The following MTFR1 variants were observed in gnomAD, a reference collection of about 807,000 sequenced individuals.
MTFR1 encodes mitochondrial fission regulator 1.
MTFR1 carries 28 observed loss-of-function variants against 38.8 expected under a neutral mutation model. The observed-to-expected ratio is 0.72, with a 90% CI of 0.53 to 0.99. MTFR1 has a LOEUF of 0.99. Ranked by LOEUF, MTFR1 falls within the 50% of genes least tolerant of loss-of-function variation. The pLI, the probability that MTFR1 is intolerant of heterozygous loss-of-function variation, is 0.00. For synonymous variants in MTFR1, 145 were observed against 137.0 expected, an observed-to-expected ratio of 1.06 and a Z score of -0.41; for missense variants, 358 against 395.5, an observed-to-expected ratio of 0.91 and a Z score of 0.81.
intron 3 of MTFR1, among the ~76,000 whole-genome samples, chr8:65,732,665 C>T (rs1806949061): frequency 6.6e-6 from 1 of 152,178 alleles, no homozygotes; most frequent in African/African-American, 2.4e-5. Flanking sequence ...AGGTACACAC[C>T]ACCATGCCCA....
At chr8:65,646,485 TAGTG>T (rs1032106349) in intron 1 of MTFR1, among the ~76,000 whole-genome samples, 2 of 151,452 alleles carry the variant, frequency 1.3e-5, no homozygotes, top group African/African-American at 4.9e-5. Flanking sequence ...ATACAAACAA[TAGTG>T]AGAGAGGTAT....
At chr8:65,663,416 C>T (rs1804262845) in intron 1 of MTFR1, among the ~76,000 whole-genome samples, 1 of 151,696 alleles carries the variant, frequency 6.6e-6, no homozygotes, top group Non-Finnish European at 1.5e-5. Flanking sequence ...GGTCCTCTGC[C>T]TAGGAAAACC....
At chr8:65,701,184 A>G (rs768576930) in intron 4 of MTFR1, among the ~76,000 whole-genome samples, 59 of 152,234 alleles carry the variant, frequency 3.9e-4, no homozygotes, top group Non-Finnish European at 7.2e-4. Context: ...GAAGCCCTCA[A>G]AATCATCTTT....
chr8:65,700,423 T>C (rs986981978), intron 4 of MTFR1, among the ~76,000 whole-genome samples: 25 of 151,526 alleles, frequency 1.6e-4, no homozygotes, highest in African/African-American at 5.8e-4. Flanking sequence ...AGTATTCTAC[T>C]TTGAGAAGAG....
intron 1 of MTFR1, among the ~76,000 whole-genome samples, chr8:65,650,769 G>A (rs559037443): frequency 2.6e-4 from 40 of 152,138 alleles, no homozygotes; most frequent in Non-Finnish European, 5.1e-4. Context: ...AACATGGCAC[G>A]GCAGATATTG....
intron 3 of MTFR1, among the ~76,000 whole-genome samples, chr8:65,752,455 T>G (rs942893554): frequency 2.6e-5 from 4 of 152,204 alleles, no homozygotes; most frequent in African/African-American, 9.6e-5. Context: ...TCCTTTTCCT[T>G]TCTTGAATTT....
In MTFR1 at chr8:65,682,424, G is replaced by T; in HGVS notation, c.138G>T (p.Leu46=). ...IVRKIGTNLS[L]IQCPRVQFQI... is the part of the protein sequence containing the mutation. ...GGAAAATTGGTACTAATTTGTCTCT[G>T]ATTCAGTGTCCAAGAGTTCAGTTTC... The change falls in exon 3 of 8, where the codon CTG becomes CTT. Residue 46 remains leucine (L), a synonymous_variant. Coordinates refer to ENST00000262146, the MANE Select transcript of MTFR1 (RefSeq NM_014637.4). 1 of 1,560,488 alleles carries T rather than the reference G, an allele frequency of 6.4e-7. No individual in the cohort carries two copies. Among genetic ancestry groups the T allele is most frequent in the Non-Finnish European group, 8.7e-7 (1 of 1,151,370 alleles).
chr8:65,691,736 A>C (rs917072917), intron 3 of MTFR1, among the ~76,000 whole-genome samples: 1 of 151,460 alleles, frequency 6.6e-6, no homozygotes, highest in Non-Finnish European at 1.5e-5. Flanking sequence ...TGCAACCTCT[A>C]CCTCCCATGT....
chr8:65,734,933 A>C (rs371528965), intron 3 of MTFR1: 71 of 1,224,488 alleles, frequency 5.8e-5, no homozygotes, highest in Non-Finnish European at 8.4e-5. Flanking sequence ...ATTGTATATG[A>C]GCAACATATA....
chr8:65,713,485 A>ACACACAC (rs1169373621), downstream of MTFR1, among the ~76,000 whole-genome samples: 267 of 119,488 alleles, frequency 2.2e-3, no homozygotes, highest in East Asian at 8.6e-3. Flanking sequence ...CACACACACA[A>ACACACAC]ACAAAACAAA....
chr8:65,748,687 T>A (rs2128907302), intron 3 of MTFR1, among the ~76,000 whole-genome samples: 1 of 152,270 alleles, frequency 6.6e-6, no homozygotes, highest in Non-Finnish European at 1.5e-5. Context: ...TGGAAGGTAA[T>A]CAAACATATT....
In MTFR1 at chr8:65,709,207, G is replaced by A. The variant is rs1183596470; in HGVS notation, c.*163G>A. On this transcript the variant is annotated 3_prime_UTR_variant, in exon 8 of 8. Transcript: ENST00000262146. ...AGCAATAATGAAAGCACTAAGTTTG[G>A]TTTTGCTTTTGTGAGATGGTCAGCT... 1.7e-5 allele frequency: 11 copies of A among 654,376 alleles called. No homozygotes were observed. The highest frequency in any genetic ancestry group is 1.1e-4 in the Admixed American group (4 of 35,156). 40.5% of individuals were successfully genotyped at this position (654,376 alleles called of 1,614,324 possible). A position where few individuals can be genotyped will look rare whatever the true frequency, so the allele number is the denominator to read the frequency against.
intron 3 of MTFR1, among the ~76,000 whole-genome samples, chr8:65,752,194 C>T (rs1808001519): frequency 6.6e-6 from 1 of 152,140 alleles, no homozygotes; most frequent in Non-Finnish European, 1.5e-5. Context: ...TGTTAGTTAC[C>T]AGAGCATATT....
At chr8:65,654,106 G>A (rs1809194800) in intron 1 of MTFR1, among the ~76,000 whole-genome samples, 1 of 149,708 alleles carries the variant, frequency 6.7e-6, no homozygotes, top group Non-Finnish European at 1.5e-5. Context: ...AGTAGTACAT[G>A]TATCCTATTG....
chr8:65,701,314 C>T (rs1009128180), intron 4 of MTFR1, among the ~76,000 whole-genome samples: 11 of 152,186 alleles, frequency 7.2e-5, no homozygotes, highest in African/African-American at 2.7e-4. Flanking sequence ...GATAAATATA[C>T]AGTATAACAT....
intron 3 of MTFR1, among the ~76,000 whole-genome samples, chr8:65,733,868 C>T (rs1462793141): frequency 6.6e-6 from 1 of 152,146 alleles, no homozygotes; most frequent in Non-Finnish European, 1.5e-5. Flanking sequence ...TGTTTCCCGC[C>T]TAACACCTTA....
chr8:65,762,610 A>C (rs942792321), intron 3 of MTFR1, among the ~76,000 whole-genome samples: 1 of 152,220 alleles, frequency 6.6e-6, no homozygotes, highest in Non-Finnish European at 1.5e-5. Context: ...AAATGAGATA[A>C]TATATGCAGT....
At chr8:65,665,136 T>C (rs375209249) in intron 1 of MTFR1, among the ~76,000 whole-genome samples, 1 of 151,674 alleles carries the variant, frequency 6.6e-6, no homozygotes, top group African/African-American at 2.4e-5. Flanking sequence ...GGTTTCACCA[T>C]GTTAGCCAGT....
intron 3 of MTFR1, among the ~76,000 whole-genome samples, chr8:65,742,297 C>T (rs1028186221): frequency 1.3e-5 from 2 of 152,180 alleles, no homozygotes; most frequent in African/African-American, 4.8e-5. Context: ...ACCCTGACAA[C>T]GCAGGCCTGG....
Sources: allele counts gnomAD v4.1 joint callset (sites outside exome capture counted in the v4.1 genomes callset), GRCh38; gene constraint gnomAD v4.1.1; transcripts MANE v1.5; gene names NCBI Gene and HGNC (gene_info 2026-07-23, HGNC 2026-07-21).